Variants in CHAMP1 observed in about 807,000 individuals in gnomAD.
CHAMP1 encodes chromosome alignment maintaining phosphoprotein 1.
CHAMP1 carries 4 observed loss-of-function variants against 54.5 expected under a neutral mutation model. That is an observed-to-expected ratio of 0.07 (90% confidence interval 0.04 to 0.17). The LOEUF (loss-of-function observed/expected upper bound fraction) is 0.17, where lower values mean the gene tolerates loss of function less well. CHAMP1 is among the 10% of genes least tolerant of loss of function. CHAMP1 has a pLI of 1.00. For synonymous variants in CHAMP1, 368 were observed against 342.2 expected, an observed-to-expected ratio of 1.08 and a Z score of -0.83; for missense variants, 994 against 968.6, an observed-to-expected ratio of 1.03 and a Z score of -0.35.
At chr13:114,323,727 C>G (rs531745345) in intron 2 of CHAMP1, 61 bp from the exon 3 acceptor site, 13 of 1,319,244 alleles carry the variant, frequency 9.9e-6, no homozygotes, top group Non-Finnish European at 1.0e-6. Context: ...ATAGAATGGA[C>G]TGACAGCATT....
At chr13:114,322,036 A>ATTTTTT (rs35744396) in intron 2 of CHAMP1, 16 of 126,674 alleles carry the variant, frequency 1.3e-4, no homozygotes, top group East Asian at 2.2e-4. Context: ...AGAAATGTTA[A>ATTTTTT]TTTTTTTTTT....
At chr13:114,323,219 T>C (rs2087195401) in intron 2 of CHAMP1, 1 of 152,228 alleles carries the variant, frequency 6.6e-6, no homozygotes, top group Non-Finnish European at 1.5e-5. Context: ...ATTAATAGAA[T>C]ACTATATTGG....
rs2087225493 is a variant in CHAMP1 at position 114,324,998 on chromosome 13, T to C, written c.1156T>C (p.Ser386Pro). 1 of 1,613,928 alleles carries C rather than the reference T, an allele frequency of 6.2e-7. No homozygotes were observed. The highest frequency in any genetic ancestry group is 1.3e-5 in the African/African-American group (1 of 74,862). ...SPSSWKSPPA[S>P]PESWKSGPPE... is the part of the protein sequence containing the mutation. ...CAGCTCCTGGAAGTCTCCCCCTGCA[T>C]CTCCTGAGTCATGGAAGTCTGGCCC... The change falls in exon 3 of 3, where the codon TCT becomes CCT. Residue 386 changes from serine to proline, a missense_variant. Ser to Pro is a moderately conservative substitution (Grantham distance 74). Coordinates refer to ENST00000361283, the MANE Select transcript of CHAMP1 (RefSeq NM_032436.4).
At chr13:114,317,986 G>A (rs945119002) in intron 1 of CHAMP1, among the ~76,000 whole-genome samples, 5 of 152,178 alleles carry the variant, frequency 3.3e-5, no homozygotes, top group African/African-American at 1.2e-4. Flanking sequence ...GTTAGGGTTA[G>A]GAGTTCTTAA....
At position 114,325,327 on chromosome 13, in the gene CHAMP1, G is replaced by C. The variant is rs782242916; in HGVS notation, c.1485G>C (p.Glu495Asp). The C allele has an allele frequency of 4.3e-6, 7 of 1,614,076 alleles. No homozygotes were observed. Among genetic ancestry groups the C allele is most frequent in the Non-Finnish European group, 5.9e-6 (7 of 1,180,022 alleles). Reference sequence around the variant, plus strand: ...AGCCTCAGAAACCTGTCTTCCCTGAGACCCGAAAACCAGGTCCTTCTGGGC... The same window carrying C: ...AGCCTCAGAAACCTGTCTTCCCTGACACCCGAAAACCAGGTCCTTCTGGGC... ...FIEPQKPVFPETRKPGPSGPS... is the reference protein window; with the variant it reads ...FIEPQKPVFPDTRKPGPSGPS... Residue 495 changes from glutamate to aspartate, a missense_variant, in exon 3 of 3, where the codon GAG becomes GAC. Glu to Asp is a conservative substitution (Grantham distance 45). Around this residue, in one of 3 missense-constraint regions of CHAMP1, gnomAD observed 851 missense variants for 701.3 expected, o/e 1.21. Coordinates refer to ENST00000361283, the MANE Select transcript of CHAMP1 (RefSeq NM_032436.4).
At chr13:114,318,914 C>T (rs1248819287) in intron 1 of CHAMP1, among the ~76,000 whole-genome samples, 1 of 98,082 alleles carries the variant, frequency 1.0e-5, no homozygotes, top group African/African-American at 4.0e-5. Context: ...TAGAGACTCT[C>T]TTAAAGTGTC....
chr13:114,324,601 C>G lies in CHAMP1; in HGVS notation c.759C>G (p.Ser253=), dbSNP rs782808876. The G allele has an allele frequency of 6.2e-7, 1 of 1,614,148 alleles. No individual in the cohort carries two copies. Among genetic ancestry groups the G allele is most frequent in the Admixed American group, 1.7e-5 (1 of 60,012 alleles). ...SSPESPVLAA[S]PEPWGPSPAA... is the part of the protein sequence containing the mutation. ...CAGAGTCACCAGTTCTAGCTGCTTC[C>G]CCAGAACCTTGGGGACCATCCCCAG... Residue 253 remains serine (S), a synonymous_variant, in exon 3 of 3, where the codon TCC becomes TCG. Transcript: ENST00000361283.
chr13:114,318,241 C>T (rs2087121910), intron 1 of CHAMP1, among the ~76,000 whole-genome samples: 1 of 151,852 alleles, frequency 6.6e-6, no homozygotes, highest in African/African-American at 2.4e-5. Flanking sequence ...CAGCATCAGT[C>T]TTTTCAGTTA....
chr13:114,315,724 TTC>T (rs1335590348), intron 1 of CHAMP1, among the ~76,000 whole-genome samples: 2 of 152,170 alleles, frequency 1.3e-5, no homozygotes, highest in Non-Finnish European at 2.9e-5. Flanking sequence ...GGTACAGAAT[TTC>T]TGTTTGTGGT....
chr13:114,315,060 C>T (rs2087078075), intron 1 of CHAMP1, among the ~76,000 whole-genome samples: 1 of 152,090 alleles, frequency 6.6e-6, no homozygotes, highest in Non-Finnish European at 1.5e-5. Flanking sequence ...GTCTAGAATA[C>T]AAGAAGAGAT....
chr13:114,326,327 A>G lies in CHAMP1; in HGVS notation c.*46A>G. The stretch of plus-strand genomic sequence containing the variant: ...TTCTACAAAGGTGTTTGTTGGAACC[A>G]TTCTTTGTAAGTATAGCTTATCAGA... On this transcript the variant is annotated 3_prime_UTR_variant, in exon 3 of 3. Coordinates refer to ENST00000361283, the MANE Select transcript of CHAMP1 (RefSeq NM_032436.4). The G allele has an allele frequency of 6.6e-7, 1 of 1,520,442 alleles. No homozygotes were observed. The highest frequency in any genetic ancestry group is 8.8e-7 in the Non-Finnish European group (1 of 1,137,258). 94.2% of individuals were successfully genotyped at this position (1,520,442 alleles called of 1,614,324 possible). A position where few individuals can be genotyped will look rare whatever the true frequency, so the allele number is the denominator to read the frequency against.
chr13:114,317,728 T>TA (rs761480449), intron 1 of CHAMP1, among the ~76,000 whole-genome samples: 1 of 152,186 alleles, frequency 6.6e-6, no homozygotes, highest in Non-Finnish European at 1.5e-5. Context: ...AATTTTAATT[T>TA]AAAAAACTAT....
At chr13:114,319,641 G>A (rs150352378) in intron 1 of CHAMP1, among the ~76,000 whole-genome samples, 2 of 152,292 alleles carry the variant, frequency 1.3e-5, no homozygotes, top group Non-Finnish European at 2.9e-5. Flanking sequence ...TTATATGGAG[G>A]GCAGATGTTT....
chr13:114,319,835 A>C (rs935285110), intron 1 of CHAMP1, among the ~76,000 whole-genome samples: 11 of 152,166 alleles, frequency 7.2e-5, no homozygotes, highest in Admixed American at 3.9e-4. Context: ...AGTGTAAAGG[A>C]GAGGAAATAG....
At chr13:114,323,213 A>T (rs2087195344) in intron 2 of CHAMP1, 1 of 152,354 alleles carries the variant, frequency 6.6e-6, no homozygotes, top group Middle Eastern at 3.4e-3. Context: ...AAATGAATTA[A>T]TAGAATACTA....
chr13:114,324,307 G>A lies in CHAMP1; in HGVS notation c.465G>A (p.Glu155=). Residue 155 remains glutamate, a synonymous_variant, in exon 3 of 3, where the codon GAG becomes GAA. Transcript: ENST00000361283. Reference sequence around the variant, plus strand: ...AACCTACTCCTCTTACTCCCCTGGAGCCTCAGAAACCTGGCTCTGTTGTTT... The same window carrying A: ...AACCTACTCCTCTTACTCCCCTGGAACCTCAGAAACCTGGCTCTGTTGTTT... ...SPKPTPLTPL[E]PQKPGSVVSP... The A allele has an allele frequency of 6.2e-7, 1 of 1,614,102 alleles. No individual in the cohort carries two copies. Among genetic ancestry groups the A allele is most frequent in the Non-Finnish European group, 8.5e-7 (1 of 1,180,026 alleles).
chr13:114,324,455 C>T lies in CHAMP1; in HGVS notation c.613C>T (p.Pro205Ser), dbSNP rs782278722. 3.1e-6 allele frequency: 5 copies of T among 1,614,182 alleles called. No individual in the cohort carries two copies. The highest frequency in any genetic ancestry group is 3.4e-6 in the Non-Finnish European group (4 of 1,180,026). ...TCAGAAACTTGCCCCTGTTCCTTCT[C>T]CAGAACCACAGAAACCTGCCCCTGT... ...ESQKLAPVPS[P>S]EPQKPAPVSP... Residue 205 changes from proline (P) to serine (S), a missense_variant, in exon 3 of 3, where the codon CCA becomes TCA. Coordinates refer to ENST00000361283, the MANE Select transcript of CHAMP1 (RefSeq NM_032436.4).
Position 114,325,469 on chromosome 13 carries a change from C to G in CHAMP1, c.1627C>G (p.Pro543Ala), listed in dbSNP as rs1555379825. 1 of 1,614,152 alleles carries G rather than the reference C, an allele frequency of 6.2e-7. No individual in the cohort carries two copies. The highest frequency in any genetic ancestry group is 1.1e-5 in the South Asian group (1 of 91,084). ...TGCCAAAACAGCCCCTCCTGCTTCT[C>G]CAGAAGCACGCAAACGTGCCCTTTT... ...EPAKTAPPAS[P>A]EARKRALFPE... is the part of the protein sequence containing the mutation. Residue 543 changes from proline to alanine, a missense_variant, in exon 3 of 3, where the codon CCA becomes GCA. Physicochemically the swap from Pro to Ala is conservative, Grantham distance 27. Around this residue, in one of 3 missense-constraint regions of CHAMP1, gnomAD observed 851 missense variants for 701.3 expected, o/e 1.21. Coordinates refer to ENST00000361283, the MANE Select transcript of CHAMP1 (RefSeq NM_032436.4).
chr13:114,324,086 A>G lies in CHAMP1; in HGVS notation c.244A>G (p.Thr82Ala), dbSNP rs576015545. The G allele has an allele frequency of 6.2e-7, 1 of 1,614,242 alleles. No individual in the cohort carries two copies. Among genetic ancestry groups the G allele is most frequent in the East Asian group, 2.2e-5 (1 of 44,894 alleles). ...GTACTCTAATGTATACTATCACATC[A>G]CATCCAAACATGCATCCCCAGACAA... is the stretch of plus-strand genomic sequence containing the variant. ...KMYSNVYYHI[T>A]SKHASPDKWN... The change falls in exon 3 of 3, where the codon ACA becomes GCA. Residue 82 changes from threonine to alanine, a missense_variant. Physicochemically the swap from Thr to Ala is moderately conservative, Grantham distance 58. This residue lies in a region of CHAMP1 where 84 missense variants were observed against 120.7 expected (regional missense o/e 0.70). Coordinates refer to ENST00000361283, the MANE Select transcript of CHAMP1 (RefSeq NM_032436.4).
Sources: gnomAD v4.1 joint callset for allele counts (sites outside exome capture counted in the v4.1 genomes callset) on GRCh38, gnomAD v4.1.1 for gene constraint, gnomAD v4.1.1 regional missense constraint, MANE v1.5 for transcripts, NCBI Gene and HGNC (gene_info 2026-07-23, HGNC 2026-07-21) for gene names.